RPTOR: variants seen among roughly 807,000 people sequenced by gnomAD.
RPTOR encodes the protein regulatory-associated protein of mTOR.
A neutral mutation model predicts 169.9 loss-of-function variants in RPTOR; 21 were observed. That is an observed-to-expected ratio of 0.12 (90% CI 0.09 to 0.18). The LOEUF is 0.18. Ranked by LOEUF, RPTOR falls within the 10% of genes least tolerant of loss-of-function variation. RPTOR has a pLI of 1.00. For synonymous variants in RPTOR, 732 were observed against 753.2 expected, an observed-to-expected ratio of 0.97 and a Z score of 0.46; for missense variants, 1,133 against 1,855.9, an observed-to-expected ratio of 0.61 and a Z score of 7.16.
At position 80,960,800 on chromosome 17, in the gene RPTOR, C is replaced by T. The variant is rs533683602; in HGVS notation, c.3606-594C>T. ...TGTCTGGCAGGGGACAGGGCACACG[C>T]GTGGGCACAGCAGCCCCGGGCACTG... On this transcript the variant is annotated intron_variant, in intron 30 of 33. Transcript: ENST00000306801. This position sits in a 1 kb window ranked among gnomAD's most constrained non-coding sequence, Gnocchi z 4.8. The T allele has an allele frequency of 6.2e-6, 1 of 160,518 alleles. No homozygotes were observed. The highest frequency in any genetic ancestry group is 1.7e-4 in the South Asian group (1 of 5,894). 9.9% of individuals were successfully genotyped at this position (160,518 alleles called of 1,614,324 possible).
At chr17:80,886,961 C>T (rs2068254860) in intron 17 of RPTOR, among the ~76,000 whole-genome samples, 1 of 152,150 alleles carries the variant, frequency 6.6e-6, no homozygotes, top group African/African-American at 2.4e-5. Flanking sequence ...TGCTGTGGAG[C>T]TCCTGAGGGC....
At chr17:80,548,870 A>G (rs2084311258) in intron 1 of RPTOR, among the ~76,000 whole-genome samples, 2 of 152,164 alleles carry the variant, frequency 1.3e-5, no homozygotes, top group African/African-American at 4.8e-5. Flanking sequence ...ACTGTCCTAA[A>G]TGCAAGCTGA....
At chr17:80,547,336 G>GT (rs1324016989) in intron 1 of RPTOR, among the ~76,000 whole-genome samples, 2 of 152,140 alleles carry the variant, frequency 1.3e-5, no homozygotes, top group African/African-American at 4.8e-5. Context: ...GTGGAGGGCA[G>GT]TTTTTTTGTT....
intron 21 of RPTOR, among the ~76,000 whole-genome samples, chr17:80,917,468 A>T (rs1039432257): frequency 1.3e-5 from 2 of 151,778 alleles, no homozygotes; most frequent in African/African-American, 4.8e-5. Context: ...CTCTCCTCCT[A>T]CTTGACAGCC....
At chr17:80,700,436 ATGATGGTGGTGGTGG>A (rs2066075981) in intron 3 of RPTOR, among the ~76,000 whole-genome samples, 4 of 47,642 alleles carry the variant, frequency 8.4e-5, no homozygotes, top group Admixed American at 1.6e-4. Context: ...GGTGGTGGTT[ATGATGGTGGTGGTGG>A]TGATGGTGGT....
At chr17:80,900,996 A>G (rs982979150) in intron 20 of RPTOR, among the ~76,000 whole-genome samples, 3 of 152,210 alleles carry the variant, frequency 2.0e-5, no homozygotes, top group Non-Finnish European at 4.4e-5. Flanking sequence ...GGCTACAGAA[A>G]GTTCACAGCT....
chr17:80,606,557 C>T (rs1483394446), intron 1 of RPTOR, among the ~76,000 whole-genome samples: 2 of 152,010 alleles, frequency 1.3e-5, no homozygotes, highest in South Asian at 2.1e-4. Flanking sequence ...TTTTTTCCCA[C>T]CCTACCTTTT....
At position 80,566,823 on chromosome 17, in the gene RPTOR, C is replaced by CAAAAAA. The variant is rs56295360; in HGVS notation, c.162+21056_162+21061dup. On this transcript the variant is annotated intron_variant, in intron 1 of 33. Transcript: ENST00000306801. ...TGGGCGACAGAGCGAGACTCCGTCT[C>CAAAAAA]AAAAAAAAAAAAAAAAAAAAAAAAA... Among the ~76,000 whole-genome samples the CAAAAAA allele has an allele frequency of 6.5e-4, 55 of 83,982 alleles. 2 individuals carry two copies. The highest frequency in any genetic ancestry group is 2.4e-3 in the African/African-American group (48 of 19,900). The allele number at this position is 83,982 out of a possible 152,430, so 55.1% of individuals were successfully genotyped here.
chr17:80,941,397 A>C (rs140366382), intron 25 of RPTOR: 1 of 152,470 alleles, frequency 6.6e-6, no homozygotes, highest in African/African-American at 2.4e-5. Context: ...TCAACACAGC[A>C]ATGAGGGTGT....
At chr17:80,847,470 T>C (rs2067744859) in intron 11 of RPTOR, among the ~76,000 whole-genome samples, 1 of 152,212 alleles carries the variant, frequency 6.6e-6, no homozygotes, top group Non-Finnish European at 1.5e-5. Flanking sequence ...CACTGGTCAG[T>C]GTAGATATCA....
In RPTOR at chr17:80,891,815, C is replaced by T. The variant is rs1242001910; in HGVS notation, c.2079C>T (p.Ala693=). The T allele has an allele frequency of 6.2e-7, 1 of 1,613,668 alleles. No individual in the cohort carries two copies. Among genetic ancestry groups the T allele is most frequent in the Non-Finnish European group, 8.5e-7 (1 of 1,179,620 alleles). The change falls in exon 18 of 34, where the codon GCC becomes GCT. Residue 693 remains alanine, a synonymous_variant. Transcript: ENST00000306801. ...LQFIEEEKNY[A]LPSPATTEGG... Reference sequence around the variant, plus strand: ...TCATAGAAGAGGAAAAGAACTACGCCTTGCCTTCTCCAGCAACCACAGGTA... The same window carrying T: ...TCATAGAAGAGGAAAAGAACTACGCTTTGCCTTCTCCAGCAACCACAGGTA...
intron 6 of RPTOR, among the ~76,000 whole-genome samples, chr17:80,760,626 C>G (rs1340467049): frequency 2.0e-5 from 3 of 151,428 alleles, no homozygotes; most frequent in South Asian, 4.1e-4. Context: ...TTTAAGGAAA[C>G]AGGCAGTTGG....
Position 80,633,736 on chromosome 17 carries a change from G to A in RPTOR, c.265+7943G>A, listed in dbSNP as rs1027176197. On this transcript the variant is annotated intron_variant, in intron 2 of 33. Coordinates refer to ENST00000306801, the MANE Select transcript of RPTOR (RefSeq NM_020761.3). The surrounding 1 kb of genome is among the most constrained non-coding windows in gnomAD (Gnocchi z 4.1). Reference sequence around the variant, plus strand: ...AGATTGTGCAAATATTCCTTTCCTCGTGACTTTCAATTTCTTCATTTTGAA... The same window carrying A: ...AGATTGTGCAAATATTCCTTTCCTCATGACTTTCAATTTCTTCATTTTGAA... Among the ~76,000 whole-genome samples, 2 of 152,138 alleles carry A rather than the reference G, an allele frequency of 1.3e-5. No homozygotes were observed. Among genetic ancestry groups the A allele is most frequent in the African/African-American group, 2.4e-5 (1 of 41,412 alleles).
At chr17:80,658,933 A>G (rs1243005447) in intron 3 of RPTOR, among the ~76,000 whole-genome samples, 1 of 152,076 alleles carries the variant, frequency 6.6e-6, no homozygotes, top group African/African-American at 2.4e-5. Flanking sequence ...CCCTCCTTAC[A>G]TCAACATCTT....
In RPTOR at chr17:80,814,045, G is replaced by A. The variant is rs147378129; in HGVS notation, c.891-8156G>A. ...AGCTACTTGGGAGGCTGAGGCTGAG[G>A]TGGGAGGATCGCTTGAGGCTGGGAG... On this transcript the variant is annotated intron_variant, in intron 7 of 33. Coordinates refer to ENST00000306801, the MANE Select transcript of RPTOR (RefSeq NM_020761.3). 6.7e-3 allele frequency among the ~76,000 whole-genome samples: 1,014 copies of A among 152,106 alleles called. 10 individuals are homozygous for A. Among genetic ancestry groups the A allele is most frequent in the African/African-American group, 0.023 (941 of 41,566 alleles).
chr17:80,918,123 A>G (rs4969303), intron 21 of RPTOR, among the ~76,000 whole-genome samples: 135,165 of 152,274 alleles, frequency 0.89, 60,188 homozygotes, highest in African/African-American at 0.95. Flanking sequence ...CTTGTCATGC[A>G]CATGCTCATT....
At chr17:80,702,609 G>A (rs150196531) in intron 3 of RPTOR, among the ~76,000 whole-genome samples, 20 of 152,270 alleles carry the variant, frequency 1.3e-4, no homozygotes, top group African/African-American at 4.3e-4. Flanking sequence ...CCCAGGAGGC[G>A]TATTATTAAT....
chr17:80,709,495 G>C (rs929805839), intron 4 of RPTOR, among the ~76,000 whole-genome samples: 1 of 152,256 alleles, frequency 6.6e-6, no homozygotes, highest in Admixed American at 6.5e-5. Flanking sequence ...AGTGCGCTTT[G>C]CTCACTTGGT....
At chr17:80,876,727 C>T (rs1293614535) in intron 13 of RPTOR, among the ~76,000 whole-genome samples, 7 of 113,724 alleles carry the variant, frequency 6.2e-5, no homozygotes, top group South Asian at 3.5e-4. Flanking sequence ...TGTCGCCTGC[C>T]GGGTCTTCCA....
Sources: allele counts gnomAD v4.1 joint callset (sites outside exome capture counted in the v4.1 genomes callset), GRCh38; gene constraint gnomAD v4.1.1; non-coding constraint Gnocchi (gnomAD v3.1); transcripts MANE v1.5; gene names NCBI Gene and HGNC (gene_info 2026-07-23, HGNC 2026-07-21).